Variants in CLSTN2 observed in about 807,000 individuals in gnomAD.
The protein encoded by CLSTN2 is calsyntenin-2.
CLSTN2 carries 48 observed loss-of-function variants against 101.2 expected under a neutral mutation model. The ratio of observed to expected loss-of-function variants is 0.47; its 90% CI spans 0.38 to 0.60. CLSTN2 has a LOEUF of 0.60. Among genes scored for constraint, CLSTN2 ranks in the 20% least tolerant of loss-of-function variants. The probability of loss-of-function intolerance (pLI) is 0.00; values close to 1 mark genes in which losing one functional copy is unlikely to be tolerated. For missense variants in CLSTN2, 1,160 were observed against 1,238.2 expected (o/e 0.94, Z 0.95); for synonymous variants, 481 against 463.6 (o/e 1.04, Z -0.48).
chr3:140,336,546 TCA>T (rs1432079533), intron 2 of CLSTN2, among the ~76,000 whole-genome samples: 1 of 152,168 alleles, frequency 6.6e-6, no homozygotes, highest in African/African-American at 2.4e-5. Flanking sequence ...CAGAAGTCTC[TCA>T]CTGTTTAGCA....
intron 1 of CLSTN2, among the ~76,000 whole-genome samples, chr3:140,034,165 C>T (rs1371902855): frequency 1.3e-5 from 2 of 152,150 alleles, no homozygotes; most frequent in Non-Finnish European, 2.9e-5. Context: ...TTAGAGGTAG[C>T]TCTGCAGTGC....
chr3:140,140,312 G>A (rs903712949), intron 1 of CLSTN2, among the ~76,000 whole-genome samples: 3 of 152,148 alleles, frequency 2.0e-5, no homozygotes, highest in Non-Finnish European at 4.4e-5. Context: ...CGTACAAGAA[G>A]CATGGCACCT....
intron 4 of CLSTN2, among the ~76,000 whole-genome samples, chr3:140,415,469 C>A (rs1576555110): frequency 1.6e-5 from 1 of 64,148 alleles, no homozygotes; most frequent in African/African-American, 6.4e-5. Flanking sequence ...ATGAGGAACT[C>A]ATATAACACA....
chr3:140,384,454 G>T (rs1251498179), intron 2 of CLSTN2, among the ~76,000 whole-genome samples: 2 of 152,156 alleles, frequency 1.3e-5, no homozygotes, highest in Non-Finnish European at 1.5e-5. Context: ...TGTGGGGGTT[G>T]TCAGCAGTAT....
chr3:140,352,875 C>T (rs1324629354), intron 2 of CLSTN2, among the ~76,000 whole-genome samples: 1 of 152,136 alleles, frequency 6.6e-6, no homozygotes, highest in African/African-American at 2.4e-5. Flanking sequence ...ACTCAAGTTG[C>T]TAGTAATACA....
At chr3:140,369,577 TA>T (rs11373352) in intron 2 of CLSTN2, among the ~76,000 whole-genome samples, 5 of 151,288 alleles carry the variant, frequency 3.3e-5, no homozygotes, top group South Asian at 2.1e-4. Flanking sequence ...AATAATTTGT[TA>T]AAAAAAAATG....
In CLSTN2 at chr3:140,563,174, A is replaced by C. The variant is rs757923077; in HGVS notation, c.2453A>C (p.Glu818Ala). The C allele has an allele frequency of 8.3e-5, 134 of 1,613,992 alleles. No individual in the cohort carries two copies. The highest frequency in any genetic ancestry group is 1.1e-4 in the Non-Finnish European group (130 of 1,180,004). ...PPFLQSVHHP[E>A]SRSSIQHSSV... ...TTCCTCCAGTCTGTCCATCATCCTG[A>C]GTCCCGGAGTAGCATCCAGCACAGT... Residue 818 changes from glutamate to alanine, a missense_variant, in exon 15 of 17, where the codon GAG becomes GCG. Glu to Ala is a moderately radical substitution (Grantham distance 107, BLOSUM62 -1). Transcript: ENST00000458420.
chr3:139,989,886 G>C (rs1208221826), intron 1 of CLSTN2, among the ~76,000 whole-genome samples: 1 of 152,204 alleles, frequency 6.6e-6, no homozygotes. Context: ...GATTTGAAAA[G>C]TGTAATGTGA....
At chr3:140,467,952 T>G (rs1933746771) in intron 8 of CLSTN2, among the ~76,000 whole-genome samples, 1 of 152,192 alleles carries the variant, frequency 6.6e-6, no homozygotes, top group African/African-American at 2.4e-5. Flanking sequence ...AAGGAATCTC[T>G]CAATGGTGGA....
intron 5 of CLSTN2, among the ~76,000 whole-genome samples, chr3:140,436,352 A>G (rs1414083186): frequency 2.0e-5 from 3 of 152,200 alleles, no homozygotes; most frequent in Non-Finnish European, 4.4e-5. Context: ...TCTTTTCCGC[A>G]GTGTATGTTT....
chr3:140,024,750 A>G (rs2007384352), intron 1 of CLSTN2, among the ~76,000 whole-genome samples: 1 of 152,254 alleles, frequency 6.6e-6, no homozygotes, highest in Non-Finnish European at 1.5e-5. Flanking sequence ...TATAGCCTCA[A>G]GACAGTCAGA....
At chr3:140,511,546 T>C (rs1357442624) in intron 8 of CLSTN2, among the ~76,000 whole-genome samples, 2 of 133,070 alleles carry the variant, frequency 1.5e-5, no homozygotes. Context: ...CTGGACTTTT[T>C]TTTTTTTTTT....
chr3:140,537,933 G>C (rs568493252), intron 9 of CLSTN2, among the ~76,000 whole-genome samples: 2 of 152,120 alleles, frequency 1.3e-5, no homozygotes, highest in Non-Finnish European at 2.9e-5. Context: ...GGGAGCCCTG[G>C]GGTTTCCAGG....
chr3:140,440,094 G>A (rs1307490953), intron 5 of CLSTN2, among the ~76,000 whole-genome samples: 1 of 152,158 alleles, frequency 6.6e-6, no homozygotes, highest in African/African-American at 2.4e-5. Context: ...GTGGAGATTG[G>A]GGGAGACTCA....
chr3:140,217,140 C>G (rs2010931217), intron 2 of CLSTN2, among the ~76,000 whole-genome samples: 1 of 152,130 alleles, frequency 6.6e-6, no homozygotes, highest in African/African-American at 2.4e-5. Flanking sequence ...TACACACGCC[C>G]AAATCTTCTG....
At chr3:140,414,624 A>G (rs2088406099) in intron 4 of CLSTN2, among the ~76,000 whole-genome samples, 2 of 152,052 alleles carry the variant, frequency 1.3e-5, no homozygotes, top group African/African-American at 2.4e-5. Flanking sequence ...AACAATGTAC[A>G]CTACTTGGAT....
chr3:140,402,664 C>G (rs1017874191), intron 2 of CLSTN2, among the ~76,000 whole-genome samples: 3 of 152,180 alleles, frequency 2.0e-5, no homozygotes, highest in Non-Finnish European at 4.4e-5. Flanking sequence ...CTTGCTTGCC[C>G]CTCCTTGGCC....
intron 2 of CLSTN2, among the ~76,000 whole-genome samples, chr3:140,213,725 G>C (rs975878818): frequency 2.0e-5 from 3 of 152,162 alleles, no homozygotes; most frequent in Non-Finnish European, 4.4e-5. Context: ...GGGCCCCTTG[G>C]TTAGCGAGGA....
intron 2 of CLSTN2, among the ~76,000 whole-genome samples, chr3:140,260,682 A>G (rs74769737): frequency 0.021 from 3,240 of 152,192 alleles, 40 homozygotes; most frequent in Middle Eastern, 0.048. Flanking sequence ...TTATCAACTA[A>G]CGTCTATAGT....
Sources: allele counts gnomAD v4.1 joint callset (sites outside exome capture counted in the v4.1 genomes callset), GRCh38; gene constraint gnomAD v4.1.1; transcripts MANE v1.5; gene names NCBI Gene and HGNC (gene_info 2026-07-23, HGNC 2026-07-21).